Variants in STX7 observed in about 807,000 individuals in gnomAD.
STX7 encodes the protein syntaxin 7.
A neutral mutation model predicts 39.6 loss-of-function variants in STX7; 34 were observed. The ratio of observed to expected loss-of-function variants is 0.86; its 90% CI spans 0.65 to 1.14. The LOEUF is 1.14. Ranked by LOEUF, STX7 falls within the 50% of genes most tolerant of loss-of-function variation. STX7 has a pLI of 0.00. For synonymous variants in STX7, 119 were observed against 99.1 expected (o/e 1.20, Z -1.19); for missense variants, 284 against 310.4 (o/e 0.92, Z 0.64).
Position 132,449,269 on chromosome 6 carries a change from C to T in STX7, c.*11489G>A, listed in dbSNP as rs1774091043. 6.6e-6 allele frequency: 1 copy of T among 152,072 alleles called. No individual in the cohort carries two copies. The highest frequency in any genetic ancestry group is 6.6e-5 in the Admixed American group (1 of 15,258). The allele number at this position is 152,072 out of a possible 1,614,324, so 9.4% of individuals were successfully genotyped here. On this transcript the variant is annotated 3_prime_UTR_variant, in exon 10 of 10. Coordinates refer to ENST00000367941, the MANE Select transcript of STX7 (RefSeq NM_003569.3). ...TCCCAAGTAGCTGGGACTACTGGTT[C>T]ATGTCACCACATCTGGCTAATTCTT...
At chr6:132,510,959 A>G (rs1775832495) in intron 1 of STX7, among the ~76,000 whole-genome samples, 1 of 152,240 alleles carries the variant, frequency 6.6e-6, no homozygotes, top group Non-Finnish European at 1.5e-5. Context: ...CTCATGCTCT[A>G]TAAATCTACC....
intron 2 of STX7, among the ~76,000 whole-genome samples, chr6:132,475,887 A>T (rs1449701092): frequency 1.3e-5 from 2 of 152,198 alleles, no homozygotes; most frequent in Non-Finnish European, 2.9e-5. Flanking sequence ...TAACTTGTGA[A>T]AATGCACTTA....
chr6:132,459,373 T>G lies in STX7; in HGVS notation c.*1385A>C, dbSNP rs1774328945. On this transcript the variant is annotated 3_prime_UTR_variant, in exon 10 of 10. Coordinates refer to ENST00000367941, the MANE Select transcript of STX7 (RefSeq NM_003569.3). ...CCTAAAATAAAAACCTGGAGTGAAC[T>G]GGTGCTCCAGAAAGATGCTGAATGG... The G allele has an allele frequency of 1.3e-5, 2 of 152,244 alleles. No homozygotes were observed. Among genetic ancestry groups the G allele is most frequent in the Non-Finnish European group, 2.9e-5 (2 of 68,040 alleles). 9.4% of individuals were successfully genotyped at this position (152,244 alleles called of 1,614,324 possible).
Position 132,460,772 on chromosome 6 carries a change from C to T in STX7, c.772G>A (p.Gly258Arg), listed in dbSNP as rs375044570. Residue 258 changes from glycine (G) to arginine (R), a missense_variant, in exon 10 of 10, where the codon GGA becomes AGA. Coordinates refer to ENST00000367941, the MANE Select transcript of STX7 (RefSeq NM_003569.3). ...CCTTTATAACTTCAGTGGTTCAATC[C>T]CCATATGATGAGACTGATAATCGCA... ...GVAIISLIIWGLNH is the reference protein window; with the variant it reads ...GVAIISLIIWRLNH The T allele has an allele frequency of 3.5e-5, 57 of 1,612,100 alleles. No homozygotes were observed. Among genetic ancestry groups the T allele is most frequent in the Non-Finnish European group, 4.6e-5 (54 of 1,178,812 alleles).
At chr6:132,475,801 A>C in intron 2 of STX7, 139 bp from the exon 3 acceptor site, 1 of 523,736 alleles carries the variant, frequency 1.9e-6, no homozygotes. Context: ...TATTAACTGG[A>C]AAAAAGAATA....
intron 1 of STX7, among the ~76,000 whole-genome samples, chr6:132,509,388 G>A (rs1775782897): frequency 6.6e-6 from 1 of 151,724 alleles, no homozygotes; most frequent in Non-Finnish European, 1.5e-5. Flanking sequence ...GGAGGCGGAG[G>A]TTGCAGTGAG....
rs985748962 is a variant in STX7, at chr6:132,446,433, T to A, written c.*14325A>T. ...GTTCTTTTTCTGGAACCACAATTTCTGATTGGGAAAACAAAAGTCTTCCTA... is the reference window on the plus strand; with the variant it reads ...GTTCTTTTTCTGGAACCACAATTTCAGATTGGGAAAACAAAAGTCTTCCTA... On this transcript the variant is annotated 3_prime_UTR_variant, in exon 10 of 10. Coordinates refer to ENST00000367941, the MANE Select transcript of STX7 (RefSeq NM_003569.3). 2.0e-5 allele frequency: 3 copies of A among 152,204 alleles called. No homozygotes were observed. The highest frequency in any genetic ancestry group is 4.4e-5 in the Non-Finnish European group (3 of 68,026). The allele number at this position is 152,204 out of a possible 1,614,324, so 9.4% of individuals were successfully genotyped here.
At position 132,450,935 on chromosome 6, in the gene STX7, A is replaced by T. The variant is rs1173481305; in HGVS notation, c.*9823T>A. ...ACATATAGATGGTGAGAAGACCTCA[A>T]ATATAATAAACCCCCCAAATCTACA... On this transcript the variant is annotated 3_prime_UTR_variant, in exon 10 of 10. Coordinates refer to ENST00000367941, the MANE Select transcript of STX7 (RefSeq NM_003569.3). 5 of 152,090 alleles carry T rather than the reference A, an allele frequency of 3.3e-5. No homozygotes were observed. Among genetic ancestry groups the T allele is most frequent in the African/African-American group, 1.2e-4 (5 of 41,440 alleles). 9.4% of individuals were successfully genotyped at this position (152,090 alleles called of 1,614,324 possible). A position where few individuals can be genotyped will look rare whatever the true frequency, so the allele number is the denominator to read the frequency against.
Position 132,456,937 on chromosome 6 carries a change from C to T in STX7, c.*3821G>A, listed in dbSNP as rs79193884. On this transcript the variant is annotated 3_prime_UTR_variant, in exon 10 of 10. Transcript: ENST00000367941. ...AGGCCACTGCAGACAGAAGTGTAGG[C>T]GGGCAGAGGACATGAGTTTCACAGC... 706 of 152,408 alleles carry T rather than the reference C, an allele frequency of 4.6e-3. 7 individuals are homozygous for T. The highest frequency in any genetic ancestry group is 5.0e-3 in the Non-Finnish European group (340 of 68,090). 9.4% of individuals were successfully genotyped at this position (152,408 alleles called of 1,614,324 possible). A position where few individuals can be genotyped will look rare whatever the true frequency, so the allele number is the denominator to read the frequency against.
rs764550966 is a variant in STX7 at position 132,472,298 on chromosome 6, G to GGTT, written c.232_233insAAC (p.Thr78delinsLysPro). On this transcript the variant is annotated protein_altering_variant, in exon 4 of 10. Coordinates refer to ENST00000367941, the MANE Select transcript of STX7 (RefSeq NM_003569.3). ...GCTTGATACCTGTTCACTGGGGGTG[G>GGTT]TGGGCAGAGATCCAAACTCTTTAAT... 5 of 1,612,930 alleles carry GGTT rather than the reference G, an allele frequency of 3.1e-6. No individual in the cohort carries two copies. Among genetic ancestry groups the GGTT allele is most frequent in the Non-Finnish European group, 3.4e-6 (4 of 1,179,592 alleles).
At chr6:132,496,718 C>T (rs537569774) in intron 2 of STX7, among the ~76,000 whole-genome samples, 5 of 152,232 alleles carry the variant, frequency 3.3e-5, no homozygotes, top group African/African-American at 9.6e-5. Context: ...CATGAGAAAA[C>T]CATGTCTTGG....
chr6:132,475,070 C>A (rs1774838179), intron 3 of STX7, among the ~76,000 whole-genome samples: 1 of 151,530 alleles, frequency 6.6e-6, no homozygotes, highest in Non-Finnish European at 1.5e-5. Context: ...TACCTAAAAA[C>A]TGTAAGAAAT....
At chr6:132,492,695 A>C (rs1465496318) in intron 2 of STX7, among the ~76,000 whole-genome samples, 1 of 152,096 alleles carries the variant, frequency 6.6e-6, no homozygotes, top group African/African-American at 2.4e-5. Flanking sequence ...CAACCACTCC[A>C]AACCTAAATT....
chr6:132,496,526 T>C (rs1288472100), intron 2 of STX7, among the ~76,000 whole-genome samples: 1 of 152,188 alleles, frequency 6.6e-6, no homozygotes, highest in Non-Finnish European at 1.5e-5. Flanking sequence ...GTGTGATGGC[T>C]TCTTCAATTA....
Position 132,458,098 on chromosome 6 carries a change from A to G in STX7, c.*2660T>C, listed in dbSNP as rs898415089. On this transcript the variant is annotated 3_prime_UTR_variant, in exon 10 of 10. Coordinates refer to ENST00000367941, the MANE Select transcript of STX7 (RefSeq NM_003569.3). ...TTTATCATTGTAGGTGTGTCTAAACAATTGATATTCAAAAACACAACTTTT... is the reference window on the plus strand; with the variant it reads ...TTTATCATTGTAGGTGTGTCTAAACGATTGATATTCAAAAACACAACTTTT... 1.3e-5 allele frequency: 2 copies of G among 152,264 alleles called. No homozygotes were observed. The highest frequency in any genetic ancestry group is 4.1e-4 in the South Asian group (2 of 4,836). 9.4% of individuals were successfully genotyped at this position (152,264 alleles called of 1,614,324 possible). A position where few individuals can be genotyped will look rare whatever the true frequency, so the allele number is the denominator to read the frequency against.
intron 2 of STX7, among the ~76,000 whole-genome samples, chr6:132,484,058 A>T (rs1379582233): frequency 2.6e-5 from 4 of 152,242 alleles, no homozygotes; most frequent in African/African-American, 9.6e-5. Flanking sequence ...TTCTTGAAGA[A>T]AAGTTCATCT....
rs1774309951 is a variant in STX7, at chr6:132,458,691, T to C, written c.*2067A>G. 2 of 152,314 alleles carry C rather than the reference T, an allele frequency of 1.3e-5. No homozygotes were observed. Among genetic ancestry groups the C allele is most frequent in the South Asian group, 4.1e-4 (2 of 4,824 alleles). The allele number at this position is 152,314 out of a possible 1,614,324, so 9.4% of individuals were successfully genotyped here. A position where few individuals can be genotyped will look rare whatever the true frequency, so the allele number is the denominator to read the frequency against. ...TTTAAAAAATTTGGCTACCATACTA[T>C]GTTTCTTATTTAATTTTCTCTAATC... On this transcript the variant is annotated 3_prime_UTR_variant, in exon 10 of 10. Coordinates refer to ENST00000367941, the MANE Select transcript of STX7 (RefSeq NM_003569.3).
rs1003982669 is a variant in STX7 at position 132,451,651 on chromosome 6, A to G, written c.*9107T>C. 6.6e-6 allele frequency: 1 copy of G among 152,214 alleles called. No homozygotes were observed. The highest frequency in any genetic ancestry group is 2.4e-5 in the African/African-American group (1 of 41,450). The allele number at this position is 152,214 out of a possible 1,614,324, so 9.4% of individuals were successfully genotyped here. ...AAAAGTCTAACAAAAAATACAACCA[A>G]AAACTCTACATATAAATCTGAGAGC... On this transcript the variant is annotated 3_prime_UTR_variant, in exon 10 of 10. Transcript: ENST00000367941.
chr6:132,458,010 T>G lies in STX7; in HGVS notation c.*2748A>C, dbSNP rs937778272. The G allele has an allele frequency of 2.6e-5, 4 of 152,218 alleles. No homozygotes were observed. The highest frequency in any genetic ancestry group is 9.7e-5 in the African/African-American group (4 of 41,448). 9.4% of individuals were successfully genotyped at this position (152,218 alleles called of 1,614,324 possible). ...AATTATACCAACTACATAAACTATT[T>G]TGTACTTTCCTTGCTAAACCACAGA... is the stretch of plus-strand genomic sequence containing the variant. On this transcript the variant is annotated 3_prime_UTR_variant, in exon 10 of 10. Transcript: ENST00000367941.
Sources: gnomAD v4.1 joint callset for allele counts (sites outside exome capture counted in the v4.1 genomes callset) on GRCh38, gnomAD v4.1.1 for gene constraint, MANE v1.5 for transcripts, NCBI Gene and HGNC (gene_info 2026-07-23, HGNC 2026-07-21) for gene names.